Variants in ZNF667 observed in about 807,000 individuals in gnomAD.
ZNF667 encodes myocardial ischemic preconditioning upregulated 1 ortholog.
In ZNF667, 13 loss-of-function variants were observed where a neutral mutation model predicts 31.8. The observed-to-expected ratio is 0.41, with a 90% CI of 0.27 to 0.65. The LOEUF (loss-of-function observed/expected upper bound fraction) is 0.65. ZNF667 is among the 30% of genes least tolerant of loss of function. The pLI is 0.32. For synonymous variants in ZNF667, 228 were observed against 247.1 expected (o/e 0.92, Z 0.73); for missense variants, 642 against 725.6 (o/e 0.88, Z 1.32).
In ZNF667 at chr19:56,451,110, CAT is replaced by C. The variant is rs1196985995; in HGVS notation, c.253+7043_253+7044del. Among the ~76,000 whole-genome samples the C allele has an allele frequency of 3.3e-5, 5 of 151,476 alleles. No homozygotes were observed. The East Asian group carries it at 9.7e-4, about 29-fold the overall frequency. On this transcript the variant is annotated intron_variant, in intron 6 of 6. Coordinates refer to ENST00000504904, the MANE Select transcript of ZNF667 (RefSeq NM_001321356.2). ...AACATGATTTGCCTATAAAGACACA[CAT>C]AGACTAAAAATAAAGGGAGGGAAAA...
intron 6 of ZNF667, among the ~76,000 whole-genome samples, chr19:56,448,443 G>A (rs189421304): frequency 3.3e-5 from 5 of 152,268 alleles, no homozygotes; most frequent in Admixed American, 6.5e-5. Context: ...TCCTAGTGCT[G>A]TGCTTGGCTC....
intron 3 of ZNF667, among the ~76,000 whole-genome samples, chr19:56,470,626 T>A (rs550127010): frequency 6.6e-6 from 1 of 152,218 alleles, no homozygotes; most frequent in Non-Finnish European, 1.5e-5. Context: ...ACGGGAGGCA[T>A]CGGTGTGGTG....
At chr19:56,463,881 T>A (rs1568450437) in intron 3 of ZNF667, among the ~76,000 whole-genome samples, 1 of 152,160 alleles carries the variant, frequency 6.6e-6, no homozygotes, top group Non-Finnish European at 1.5e-5. Context: ...AAAATAAAAT[T>A]TAAAATTATT....
At chr19:56,466,158 T>C (rs1297793351) in intron 3 of ZNF667, among the ~76,000 whole-genome samples, 2 of 152,226 alleles carry the variant, frequency 1.3e-5, no homozygotes, top group Non-Finnish European at 2.9e-5. Context: ...AGCCTGGCCC[T>C]GGCTTCCCCA....
Position 56,440,820 on chromosome 19 carries a change from A to G in ZNF667, c.*342T>C, listed in dbSNP as rs1044923435. 16 of 762,476 alleles carry G rather than the reference A, an allele frequency of 2.1e-5. No homozygotes were observed. The highest frequency in any genetic ancestry group is 5.6e-5 in the African/African-American group (3 of 53,762). 47.2% of individuals were successfully genotyped at this position (762,476 alleles called of 1,614,324 possible). On this transcript the variant is annotated 3_prime_UTR_variant, in exon 7 of 7. Coordinates refer to ENST00000504904, the MANE Select transcript of ZNF667 (RefSeq NM_001321356.2). ...CCCAGCTAATTTTGTATTTTTTAGTAGAGACAGGGTTTCACCGTGGTCTCA... is the reference window on the plus strand; with the variant it reads ...CCCAGCTAATTTTGTATTTTTTAGTGGAGACAGGGTTTCACCGTGGTCTCA...
intron 6 of ZNF667, among the ~76,000 whole-genome samples, chr19:56,447,079 ATTCT>A (rs142345287): frequency 0.022 from 3,378 of 152,294 alleles, 71 homozygotes; most frequent in Middle Eastern, 0.054. Context: ...TCTACCCCAA[ATTCT>A]TTCTAACTAT....
chr19:56,442,770 CT>C, intron 6 of ZNF667, 29 bp from the exon 7 acceptor site: 1 of 1,494,780 alleles, frequency 6.7e-7, no homozygotes, highest in Non-Finnish European at 8.9e-7. Context: ...TTAAATGTTT[CT>C]CCTTTTCCAT....
At chr19:56,452,268 T>G (rs1004990753) in intron 6 of ZNF667, among the ~76,000 whole-genome samples, 1 of 152,124 alleles carries the variant, frequency 6.6e-6, no homozygotes, top group Non-Finnish European at 1.5e-5. Flanking sequence ...CAGGCTGGTT[T>G]CGAACTCCTG....
chr19:56,475,800 G>C (rs1011011868), intron 1 of ZNF667: 6 of 152,226 alleles, frequency 3.9e-5, no homozygotes, highest in African/African-American at 1.4e-4. Context: ...TCTCCATCAG[G>C]AAGATCCTTT....
intron 3 of ZNF667, among the ~76,000 whole-genome samples, chr19:56,465,754 GAGA>G (rs1380580927): frequency 6.6e-6 from 1 of 152,238 alleles, no homozygotes; most frequent in African/African-American, 2.4e-5. Context: ...AAGCTGAGCA[GAGA>G]AGATCAGCAG....
chr19:56,475,736 T>C (rs1257749413), intron 1 of ZNF667: 1 of 152,200 alleles, frequency 6.6e-6, no homozygotes, highest in Non-Finnish European at 1.5e-5. Context: ...AAACATCCCT[T>C]AGTCCCTGAC....
rs757968031 is a variant in ZNF667, at chr19:56,441,449, G to T, written c.1546C>A (p.Gln516Lys). The change falls in exon 7 of 7, where the codon CAA (glutamine) becomes AAA (lysine). Residue 516 changes from glutamine (Q) to lysine (K), a missense_variant. Physicochemically the swap from Gln to Lys is moderately conservative, Grantham distance 53 (BLOSUM62 1). Transcript: ENST00000504904. The surrounding 1 kb of genome is among the most constrained non-coding windows in gnomAD (Gnocchi z 4.2). ...KAFSQSAHLAQHERIHTGEKP... is the reference protein window; with the variant it reads ...KAFSQSAHLAKHERIHTGEKP... The stretch of plus-strand genomic sequence containing the variant: ...TCTCCAGTGTGAATTCTTTCATGTT[G>T]GGCGAGGTGTGCACTCTGGCTGAAG... 1 of 1,614,120 alleles carries T rather than the reference G, an allele frequency of 6.2e-7. No homozygotes were observed. The highest frequency in any genetic ancestry group is 2.2e-5 in the East Asian group (1 of 44,872).
At chr19:56,471,402 T>C (rs1224523520) in intron 3 of ZNF667, among the ~76,000 whole-genome samples, 1 of 152,198 alleles carries the variant, frequency 6.6e-6, no homozygotes, top group Non-Finnish European at 1.5e-5. Flanking sequence ...TGAACTGATG[T>C]CACCTGGCAT....
chr19:56,453,296 A>G (rs983460964), intron 6 of ZNF667, among the ~76,000 whole-genome samples: 10 of 152,182 alleles, frequency 6.6e-5, no homozygotes, highest in Admixed American at 2.6e-4. Context: ...AAATACTTAA[A>G]AAAACCTAAT....
At chr19:56,457,247 C>A (rs2042952210) in intron 6 of ZNF667, among the ~76,000 whole-genome samples, 1 of 152,108 alleles carries the variant, frequency 6.6e-6, no homozygotes, top group Non-Finnish European at 1.5e-5. Context: ...AAAAGAATCA[C>A]AAAAATCATG....
At chr19:56,442,781 T>C (rs763540274) in intron 6 of ZNF667, 40 bp from the exon 7 acceptor site, 1 of 1,487,652 alleles carries the variant, frequency 6.7e-7, no homozygotes, top group East Asian at 2.3e-5. Flanking sequence ...TCCTTTTCCA[T>C]GCTGAAAAAA....
chr19:56,470,288 T>C (rs1447933223), intron 3 of ZNF667, among the ~76,000 whole-genome samples: 1 of 152,248 alleles, frequency 6.6e-6, no homozygotes, highest in African/African-American at 2.4e-5. Flanking sequence ...TTGACCGTCC[T>C]TAGCCCACAT....
chr19:56,450,435 T>C (rs2042796541), intron 6 of ZNF667, among the ~76,000 whole-genome samples: 1 of 152,192 alleles, frequency 6.6e-6, no homozygotes, highest in African/African-American at 2.4e-5. Flanking sequence ...TGAGAGATTT[T>C]GTCAACACCA....
chr19:56,443,262 A>T (rs992675009), intron 6 of ZNF667, among the ~76,000 whole-genome samples: 2 of 152,236 alleles, frequency 1.3e-5, no homozygotes, highest in African/African-American at 4.8e-5. Flanking sequence ...TATGATGTTT[A>T]CCTCAATAAA....
Sources: gnomAD v4.1 joint callset for allele counts (sites outside exome capture counted in the v4.1 genomes callset) on GRCh38, gnomAD v4.1.1 for gene constraint, Gnocchi (gnomAD v3.1) non-coding constraint, MANE v1.5 for transcripts, NCBI Gene and HGNC (gene_info 2026-07-23, HGNC 2026-07-21) for gene names.